CRHR2: variants seen among roughly 807,000 people sequenced by gnomAD.
CRHR2 encodes corticotropin releasing hormone receptor 2, also known as corticotropin-releasing hormone receptor 2.
Under a neutral mutation model 57.9 loss-of-function variants are expected in CRHR2, and 53 were observed. That is an observed-to-expected ratio of 0.92 (90% CI 0.73 to 1.15). The LOEUF is 1.15. Among genes scored for constraint, CRHR2 ranks in the 50% most tolerant of loss-of-function variants. The pLI is 0.00. For missense variants in CRHR2, 532 were observed against 542.6 expected, an observed-to-expected ratio of 0.98 and a Z score of 0.19; for synonymous variants, 213 against 220.9, an observed-to-expected ratio of 0.96 and a Z score of 0.32.
intron 10 of CRHR2, 36 bp downstream of exon 10, chr7:30,655,544 C>T (rs776711017): frequency 6.3e-7 from 1 of 1,591,618 alleles, no homozygotes; most frequent in Non-Finnish European, 8.6e-7. Flanking sequence ...CTCAGGAAAG[C>T]TCACTGTGGG....
chr7:30,659,696 A>ATGC (rs1783921484), intron 8 of CRHR2, among the ~76,000 whole-genome samples: 1 of 152,242 alleles, frequency 6.6e-6, no homozygotes, highest in African/African-American at 2.4e-5. Flanking sequence ...GAAGTCACAG[A>ATGC]AAAAGGAGAG....
chr7:30,695,426 C>A (rs1785037658), intron 1 of CRHR2, among the ~76,000 whole-genome samples: 1 of 152,120 alleles, frequency 6.6e-6, no homozygotes, highest in Non-Finnish European at 1.5e-5. Flanking sequence ...GGCTTTAGGC[C>A]TCTCCTCATT....
chr7:30,695,507 C>T lies in CRHR2; in HGVS notation c.-261+4437G>A, dbSNP rs55829756. ...TCAGTCCTGCTTGTCTCACCTGTGCCGAGCCCTGGGCCCTGAACACTGACT... is the reference window on the plus strand; with the variant it reads ...TCAGTCCTGCTTGTCTCACCTGTGCTGAGCCCTGGGCCCTGAACACTGACT... On this transcript the variant is annotated intron_variant, in intron 1 of 13. Transcript: ENST00000341843. 3.3e-3 allele frequency among the ~76,000 whole-genome samples: 498 copies of T among 151,978 alleles called. 3 individuals are homozygous for T. Among genetic ancestry groups the T allele is most frequent in the African/African-American group, 0.011 (468 of 41,442 alleles).
intron 2 of CRHR2, among the ~76,000 whole-genome samples, chr7:30,678,184 T>A (rs1276519883): frequency 6.6e-6 from 1 of 152,202 alleles, no homozygotes; most frequent in African/African-American, 2.4e-5. Flanking sequence ...AATATCTTTT[T>A]AAAAAATTTC....
intron 11 of CRHR2, 35 bp downstream of exon 11, chr7:30,655,004 A>G (rs780499635): frequency 1.3e-5 from 21 of 1,608,246 alleles, no homozygotes; most frequent in Non-Finnish European, 1.5e-5. Flanking sequence ...GAGGACCTGG[A>G]TATCCCAGGC....
chr7:30,694,358 G>A (rs972990501), intron 1 of CRHR2, among the ~76,000 whole-genome samples: 1 of 152,186 alleles, frequency 6.6e-6, no homozygotes, highest in African/African-American at 2.4e-5. Context: ...GAAGGATGCA[G>A]GAATGAGAGC....
chr7:30,682,550 G>A, upstream of CRHR2: 2 of 1,225,840 alleles, frequency 1.6e-6, no homozygotes, highest in South Asian at 5.3e-5. Context: ...GCGGGGCCGG[G>A]CGGCTCCTCT....
At chr7:30,675,857 T>C (rs1469540614) in intron 2 of CRHR2, among the ~76,000 whole-genome samples, 1 of 152,238 alleles carries the variant, frequency 6.6e-6, no homozygotes, top group Non-Finnish European at 1.5e-5. Context: ...TCAGGTCTTA[T>C]GCATCTTTGA....
chr7:30,682,091 G>T, intron 1 of CRHR2, 51 bp from the exon 2 acceptor site: 4 of 1,544,224 alleles, frequency 2.6e-6, no homozygotes, highest in East Asian at 2.5e-5. Flanking sequence ...GCAGGGACGC[G>T]GGGCTCTCGG....
chr7:30,693,082 A>C (rs1784991055), intron 1 of CRHR2, among the ~76,000 whole-genome samples: 1 of 152,208 alleles, frequency 6.6e-6, no homozygotes. Flanking sequence ...GGAGGCAGAC[A>C]CCTGGGTCAC....
intron 8 of CRHR2, among the ~76,000 whole-genome samples, chr7:30,657,170 C>A (rs1292562893): frequency 1.1e-4 from 17 of 152,136 alleles, no homozygotes; most frequent in Admixed American, 1.1e-3. Flanking sequence ...CCCTTCTAAC[C>A]CTCCCAAGTT....
At chr7:30,687,053 T>C (rs1784869799), upstream of CRHR2, among the ~76,000 whole-genome samples, 1 of 152,226 alleles carries the variant, frequency 6.6e-6, no homozygotes, top group South Asian at 2.1e-4. Flanking sequence ...TTCCCTTGAC[T>C]ATTGCATTTG....
At chr7:30,674,592 G>A (rs943483302) in intron 2 of CRHR2, among the ~76,000 whole-genome samples, 1 of 152,202 alleles carries the variant, frequency 6.6e-6, no homozygotes, top group Non-Finnish European at 1.5e-5. Context: ...TAGTTCCTAT[G>A]AAGTAATGCA....
Position 30,665,628 on chromosome 7 carries a change from A to G in CRHR2, c.327T>C (p.Tyr109=). The G allele has an allele frequency of 2.6e-6, 4 of 1,557,134 alleles. No individual in the cohort carries two copies. The highest frequency in any genetic ancestry group is 3.5e-6 in the Non-Finnish European group (4 of 1,149,626). Residue 109 remains tyrosine, a synonymous_variant, in exon 4 of 12, where the codon TAT becomes TAC. Transcript: ENST00000471646. This position sits in a 1 kb window ranked among gnomAD's most constrained non-coding sequence, Gnocchi z 4.5. ...EPILDDKQRK[Y]DLHYRIALVV... ...CAAGGGCGATGCGGTAGTGCAGGTC[A>G]TACTTCCTCTGCTGGACAGACAGAC...
chr7:30,664,982 G>A, intron 5 of CRHR2, 88 bp downstream of exon 5: 1 of 1,019,760 alleles, frequency 9.8e-7, no homozygotes, highest in South Asian at 1.3e-5. Flanking sequence ...GACAAAGGAG[G>A]GGTCCAAGCA....
At chr7:30,685,849 C>T (rs970003183), upstream of CRHR2, among the ~76,000 whole-genome samples, 2 of 152,202 alleles carry the variant, frequency 1.3e-5, no homozygotes, top group South Asian at 2.1e-4. Context: ...TTTATAATTA[C>T]GATCCTGTCA....
At position 30,655,951 on chromosome 7, in the gene CRHR2, G is replaced by T; in HGVS notation, c.893C>A (p.Thr298Asn). Residue 298 changes from threonine to asparagine, a missense_variant, in exon 9 of 12, where the codon ACC becomes AAC. Physicochemically the swap from Thr to Asn is moderately conservative, Grantham distance 65. Coordinates refer to ENST00000471646, the MANE Select transcript of CRHR2 (RefSeq NM_001883.5). ...CCTGTACTGGATTGTCTCGGATGTG[G>T]TGGACGCGCGTAACTTTGTCATTAG... is the stretch of plus-strand genomic sequence containing the variant. ...RILMTKLRAS[T>N]TSETIQYRKA... The T allele has an allele frequency of 6.2e-7, 1 of 1,614,112 alleles. No individual in the cohort carries two copies.
chr7:30,690,978 G>A (rs1452888236), intron 1 of CRHR2, among the ~76,000 whole-genome samples: 2 of 152,178 alleles, frequency 1.3e-5, no homozygotes, highest in Non-Finnish European at 2.9e-5. Context: ...AACACTGGGG[G>A]CCATGGTCTT....
At chr7:30,655,440 C>T in intron 10 of CRHR2, 140 bp downstream of exon 10, 1 of 1,084,386 alleles carries the variant, frequency 9.2e-7, no homozygotes, top group Non-Finnish European at 1.3e-6. Context: ...TCAGGCTGAG[C>T]ATGTACGGGC....
Sources: allele counts gnomAD v4.1 joint callset (sites outside exome capture counted in the v4.1 genomes callset), GRCh38; gene constraint gnomAD v4.1.1; non-coding constraint Gnocchi (gnomAD v3.1); transcripts MANE v1.5; gene names NCBI Gene and HGNC (gene_info 2026-07-23, HGNC 2026-07-21).